The following COL27A1 variants were observed in gnomAD, a reference collection of about 807,000 sequenced individuals.
COL27A1 encodes collagen alpha-1(XXVII) chain.
Under a neutral mutation model 251.3 loss-of-function variants are expected in COL27A1, and 106 were observed. That is an observed-to-expected ratio of 0.42 (90% CI 0.36 to 0.50). COL27A1 has a LOEUF of 0.50. Among genes scored for constraint, COL27A1 ranks in the 20% least tolerant of loss-of-function variants. The pLI, the probability that COL27A1 is intolerant of heterozygous loss-of-function variation, is 0.00. For synonymous variants in COL27A1, 1,000 were observed against 986.3 expected (o/e 1.01, Z -0.26); for missense variants, 2,325 against 2,522.8 (o/e 0.92, Z 1.68).
intron 8 of COL27A1, 96 bp from the exon 9 acceptor site, chr9:114,205,663 C>G (rs1829902171): frequency 8.9e-7 from 1 of 1,121,870 alleles, no homozygotes; most frequent in Admixed American, 1.7e-5. Context: ...CTGCCCCTCT[C>G]TTTATTCATT....
intron 24 of COL27A1, among the ~76,000 whole-genome samples, chr9:114,246,421 A>AAAATGAAGGTTTGAGGAT (rs1365141248): frequency 3.9e-5 from 6 of 152,342 alleles, no homozygotes; most frequent in African/African-American, 1.2e-4. Flanking sequence ...ACTAGTCATT[A>AAAATGAAGGTTTGAGGAT]AAATGAAGGT....
chr9:114,215,122 T>C (rs964093761), intron 12 of COL27A1, among the ~76,000 whole-genome samples: 3 of 152,200 alleles, frequency 2.0e-5, no homozygotes, highest in South Asian at 2.1e-4. Flanking sequence ...CCCTAAAGCT[T>C]AGAGCTGGAA....
Position 114,252,661 on chromosome 9 carries a change from T to G in COL27A1, c.3087+15T>G. On this transcript the variant is annotated intron_variant, in intron 26 of 60. Coordinates refer to ENST00000356083, the MANE Select transcript of COL27A1 (RefSeq NM_032888.4). Reference sequence around the variant, plus strand: ...AGGGGTCGATGGTAAGGAGTAAGTCTGCATCCTCTTGCCCTCTCCTGTTGC... The same window carrying G: ...AGGGGTCGATGGTAAGGAGTAAGTCGGCATCCTCTTGCCCTCTCCTGTTGC... 6.2e-7 allele frequency: 1 copy of G among 1,612,112 alleles called. No homozygotes were observed. Among genetic ancestry groups the G allele is most frequent in the South Asian group, 1.1e-5 (1 of 91,038 alleles).
chr9:114,189,326 T>C (rs1232751988), intron 5 of COL27A1, among the ~76,000 whole-genome samples: 1 of 152,236 alleles, frequency 6.6e-6, no homozygotes, highest in Non-Finnish European at 1.5e-5. Context: ...CACTGTTTAC[T>C]CTATGATAGA....
intron 21 of COL27A1, among the ~76,000 whole-genome samples, chr9:114,241,575 G>A (rs915330277): frequency 6.6e-6 from 1 of 152,178 alleles, no homozygotes; most frequent in Non-Finnish European, 1.5e-5. Flanking sequence ...AGGAGGGAAC[G>A]GCACCAGCCA....
At chr9:114,173,603 T>C (rs1429613068) in intron 3 of COL27A1, among the ~76,000 whole-genome samples, 4 of 152,054 alleles carry the variant, frequency 2.6e-5, no homozygotes, top group African/African-American at 9.7e-5. Flanking sequence ...CTTTGGCAAA[T>C]CACTTAACCT....
intron 3 of COL27A1, among the ~76,000 whole-genome samples, chr9:114,172,095 T>TC (rs1157087342): frequency 1.2e-4 from 18 of 152,130 alleles, no homozygotes; most frequent in Admixed American, 2.0e-4. Flanking sequence ...CCCCATGCTA[T>TC]CCCCTGTCCC....
intron 2 of COL27A1, 141 bp from the exon 3 acceptor site, chr9:114,167,548 T>G: frequency 1.4e-6 from 1 of 717,024 alleles, no homozygotes; most frequent in Non-Finnish European, 2.4e-6. Context: ...CATGGGGCGG[T>G]GTCATTTTTA....
intron 24 of COL27A1, among the ~76,000 whole-genome samples, chr9:114,247,480 G>A (rs1420660833): frequency 6.6e-6 from 1 of 152,248 alleles, no homozygotes; most frequent in Non-Finnish European, 1.5e-5. Flanking sequence ...GAGACCCCGG[G>A]TTTAGAACCC....
At chr9:114,181,394 C>T (rs1588603922) in intron 4 of COL27A1, among the ~76,000 whole-genome samples, 1 of 152,118 alleles carries the variant, frequency 6.6e-6, no homozygotes, top group East Asian at 1.9e-4. Flanking sequence ...CCAGTTCAGG[C>T]ATCAAGGAAG....
rs751294705 is a variant in COL27A1, at chr9:114,312,013, A to C, written c.*1318A>C. 6.6e-6 allele frequency: 1 copy of C among 152,222 alleles called. No homozygotes were observed. Among genetic ancestry groups the C allele is most frequent in the Non-Finnish European group, 1.5e-5 (1 of 68,048 alleles). 9.4% of individuals were successfully genotyped at this position (152,222 alleles called of 1,614,324 possible). A position where few individuals can be genotyped will look rare whatever the true frequency, so the allele number is the denominator to read the frequency against. On this transcript the variant is annotated 3_prime_UTR_variant, in exon 61 of 61. Coordinates refer to ENST00000356083, the MANE Select transcript of COL27A1 (RefSeq NM_032888.4). ...GTCAAGGAGACAGAATAATAATGGG[A>C]ATCTCGGAGTTCGACACCATAGTGA...
chr9:114,164,312 G>C (rs1434079860), intron 2 of COL27A1, among the ~76,000 whole-genome samples: 1 of 152,228 alleles, frequency 6.6e-6, no homozygotes, highest in Non-Finnish European at 1.5e-5. Context: ...TACCTGAAAA[G>C]TTTGGGCAAG....
At chr9:114,164,511 A>C (rs1224974658) in intron 2 of COL27A1, among the ~76,000 whole-genome samples, 1 of 152,202 alleles carries the variant, frequency 6.6e-6, no homozygotes, top group Non-Finnish European at 1.5e-5. Context: ...AACCTCACCC[A>C]TGCTGCCTGG....
rs1211449800 is a variant in COL27A1, at chr9:114,194,435, G to T, written c.2048G>T (p.Gly683Val). Residue 683 changes from glycine (G) to valine (V), a missense_variant, in exon 6 of 61, where the codon GGA becomes GTA. Gly to Val is a moderately radical substitution (Grantham distance 109). Coordinates refer to ENST00000356083, the MANE Select transcript of COL27A1 (RefSeq NM_032888.4). ...AAAGGGGACCCAGGGCTCTCACCAG[G>T]AAAGGCCCACGATGGGGCAAAGGTA... Reference protein sequence around the residue: ...GQKGDPGLSPGKAHDGAKGDM... With the variant: ...GQKGDPGLSPVKAHDGAKGDM... 1 of 1,613,092 alleles carries T rather than the reference G, an allele frequency of 6.2e-7. No homozygotes were observed. The highest frequency in any genetic ancestry group is 8.5e-7 in the Non-Finnish European group (1 of 1,179,614).
intron 2 of COL27A1, among the ~76,000 whole-genome samples, chr9:114,164,756 A>G (rs184906635): frequency 9.3e-4 from 141 of 152,376 alleles, no homozygotes; most frequent in Middle Eastern, 3.4e-3. Flanking sequence ...AGAGGGTTTC[A>G]GTGACTAAAA....
intron 44 of COL27A1, 73 bp from the exon 45 acceptor site, chr9:114,289,169 C>CCCG: frequency 3.5e-6 from 5 of 1,441,820 alleles, no homozygotes; most frequent in Non-Finnish European, 4.7e-6. Flanking sequence ...CCTCCCCCTC[C>CCCG]AGGCGGAGAC....
intron 34 of COL27A1, among the ~76,000 whole-genome samples, 162 bp downstream of exon 34, chr9:114,267,719 A>C (rs558813366): frequency 6.6e-6 from 1 of 152,170 alleles, no homozygotes; most frequent in Admixed American, 6.5e-5. Flanking sequence ...GCCAGAGTGG[A>C]ATGTGGAGCC....
At chr9:114,229,065 CCTCCTACTTAGG>C (rs1831731218) in intron 14 of COL27A1, among the ~76,000 whole-genome samples, 1 of 152,212 alleles carries the variant, frequency 6.6e-6, no homozygotes, top group South Asian at 2.1e-4. Context: ...CTCAAGCAAT[CCTCCTACTTAGG>C]CTTCCCAAAG....
In COL27A1 at chr9:114,306,919, T is replaced by G. The variant is rs1829092311; in HGVS notation, c.5107+231T>G. The stretch of plus-strand genomic sequence containing the variant: ...CAAGAGCTCTGGCAGAAAAAGCTCC[T>G]GAGGCTGTAAGAGTCCCCACCCCTG... On this transcript the variant is annotated intron_variant, in intron 58 of 60. Coordinates refer to ENST00000356083, the MANE Select transcript of COL27A1 (RefSeq NM_032888.4). 3 of 525,836 alleles carry G rather than the reference T, an allele frequency of 5.7e-6. No individual in the cohort carries two copies. The East Asian group carries it at 1.1e-4, about 19-fold the overall frequency. The allele number at this position is 525,836 out of a possible 1,614,324, so 32.6% of individuals were successfully genotyped here. A position where few individuals can be genotyped will look rare whatever the true frequency, so the allele number is the denominator to read the frequency against.
Sources: allele counts gnomAD v4.1 joint callset (sites outside exome capture counted in the v4.1 genomes callset), GRCh38; gene constraint gnomAD v4.1.1; transcripts MANE v1.5; gene names NCBI Gene and HGNC (gene_info 2026-07-23, HGNC 2026-07-21).